Variants in TAMM41 observed in about 807,000 individuals in gnomAD.
The protein encoded by TAMM41 is TAM41 mitochondrial translocator assembly and maintenance homolog.
A neutral mutation model predicts 44.1 loss-of-function variants in TAMM41; 36 were observed. The ratio of observed to expected loss-of-function variants is 0.82; its 90% CI spans 0.63 to 1.08. The LOEUF (loss-of-function observed/expected upper bound fraction) is 1.08, where lower values mean the gene tolerates loss of function less well. Ranked by LOEUF, TAMM41 falls within the 50% of genes least tolerant of loss-of-function variation. The pLI is 0.00. For synonymous variants in TAMM41, 164 were observed against 153.1 expected (o/e 1.07, Z -0.53); for missense variants, 417 against 404.3 (o/e 1.03, Z -0.27).
chr3:11,770,437 T>C, the TAMM41 span, among the ~76,000 whole-genome samples: 1 of 152,222 alleles, frequency 6.6e-6, no homozygotes, highest in Non-Finnish European at 1.5e-5. Flanking sequence ...TTTCGATCAC[T>C]GGCTCTCAAC....
chr3:11,775,722 G>A, the TAMM41 span, among the ~76,000 whole-genome samples: 1 of 152,186 alleles, frequency 6.6e-6, no homozygotes, highest in Non-Finnish European at 1.5e-5. Context: ...TCTGTTGACA[G>A]ATGAACAGAT....
chr3:11,731,242 T>C, the TAMM41 span, among the ~76,000 whole-genome samples: 2 of 152,190 alleles, frequency 1.3e-5, no homozygotes, highest in South Asian at 4.1e-4. Context: ...TTGGGTAAAA[T>C]CAGATCTTGT....
chr3:11,737,602 G>A, the TAMM41 span, among the ~76,000 whole-genome samples: 3 of 152,096 alleles, frequency 2.0e-5, no homozygotes, highest in African/African-American at 7.2e-5. Flanking sequence ...TTACAGGTGT[G>A]AGCCACCATG....
chr3:11,804,862 A>G (rs2124944064), intron 7 of TAMM41, among the ~76,000 whole-genome samples: 1 of 148,326 alleles, frequency 6.7e-6, no homozygotes, highest in African/African-American at 2.6e-5. Flanking sequence ...TGTTTTTATT[A>G]TTATAATTTT....
At chr3:11,759,528 C>T in the TAMM41 span, among the ~76,000 whole-genome samples, 1 of 152,022 alleles carries the variant, frequency 6.6e-6, no homozygotes. Flanking sequence ...AATAAAGACA[C>T]CTGGCTTCCA....
intron 7 of TAMM41, among the ~76,000 whole-genome samples, chr3:11,792,690 A>T (rs2077508105): frequency 1.3e-5 from 2 of 152,234 alleles, no homozygotes; most frequent in Admixed American, 1.3e-4. Flanking sequence ...AACAGGACAC[A>T]AAAAACTGCT....
At chr3:11,810,591 T>C (rs1009312433) in intron 5 of TAMM41, among the ~76,000 whole-genome samples, 4 of 152,182 alleles carry the variant, frequency 2.6e-5, no homozygotes, top group Non-Finnish European at 5.9e-5. Flanking sequence ...CAAGGAAGAA[T>C]CTGTCTTGTA....
At chr3:11,746,301 CA>C in the TAMM41 span, among the ~76,000 whole-genome samples, 5,131 of 115,798 alleles carry the variant, frequency 0.044, 234 homozygotes, top group African/African-American at 0.14. Context: ...GAGACTCTCT[CA>C]AAAAAAAAAA....
the TAMM41 span, among the ~76,000 whole-genome samples, chr3:11,767,656 TGCTC>T: frequency 9.9e-5 from 14 of 141,468 alleles, no homozygotes; most frequent in African/African-American, 2.3e-4. Flanking sequence ...GACAGAGTCT[TGCTC>T]TTTTGCCCAG....
the TAMM41 span, among the ~76,000 whole-genome samples, chr3:11,752,989 G>A: frequency 1.3e-5 from 2 of 151,990 alleles, no homozygotes; most frequent in Non-Finnish European, 2.9e-5. Flanking sequence ...GGGATGTTGA[G>A]AGAGACAACT....
At chr3:11,794,571 G>C (rs767647564) in intron 7 of TAMM41, among the ~76,000 whole-genome samples, 1 of 152,138 alleles carries the variant, frequency 6.6e-6, no homozygotes, top group Non-Finnish European at 1.5e-5. Context: ...CCTAAAGCTA[G>C]TCATTATGAA....
chr3:11,747,973 C>G, the TAMM41 span, among the ~76,000 whole-genome samples: 2 of 150,636 alleles, frequency 1.3e-5, no homozygotes, highest in East Asian at 4.0e-4. Flanking sequence ...CTCCTGGCCT[C>G]AAGAGATCCT....
the TAMM41 span, among the ~76,000 whole-genome samples, chr3:11,731,668 C>T: frequency 2.3e-4 from 35 of 152,218 alleles, no homozygotes; most frequent in Middle Eastern, 3.4e-3. Context: ...GTTTTTATTT[C>T]CAGGGTGGGA....
At chr3:11,732,026 C>T in the TAMM41 span, among the ~76,000 whole-genome samples, 694 of 152,164 alleles carry the variant, frequency 4.6e-3, 3 homozygotes, top group Non-Finnish European at 7.9e-3. Context: ...ATCACCATGC[C>T]GGGCTAATTT....
intron 7 of TAMM41, among the ~76,000 whole-genome samples, chr3:11,798,415 C>A (rs1191295862): frequency 6.6e-6 from 1 of 152,092 alleles, no homozygotes; most frequent in Non-Finnish European, 1.5e-5. Context: ...CCAAATGCTG[C>A]ATATTCTCAC....
At chr3:11,729,524 TC>T in the TAMM41 span, among the ~76,000 whole-genome samples, 2,324 of 128,884 alleles carry the variant, frequency 0.018, 237 homozygotes, top group East Asian at 0.063. Context: ...TTTCTTTCTT[TC>T]TTTTCTTTCT....
the TAMM41 span, among the ~76,000 whole-genome samples, chr3:11,746,440 C>T: frequency 2.0e-5 from 3 of 151,784 alleles, no homozygotes; most frequent in Non-Finnish European, 4.4e-5. Flanking sequence ...CCAATAAGAG[C>T]CAAAAGCTGA....
chr3:11,737,132 A>G, the TAMM41 span, among the ~76,000 whole-genome samples: 38 of 151,836 alleles, frequency 2.5e-4, no homozygotes, highest in East Asian at 7.4e-3. Context: ...CAGCCACCCA[A>G]CACCCAGCCA....
chr3:11,809,923 A>G, intron 5 of TAMM41: 1 of 369,364 alleles, frequency 2.7e-6, no homozygotes, highest in East Asian at 4.5e-5. Context: ...TGAGAAAAGA[A>G]TAGAAGCCAC....
Sources: gnomAD v4.1 joint callset for allele counts (sites outside exome capture counted in the v4.1 genomes callset) on GRCh38, gnomAD v4.1.1 for gene constraint, MANE v1.5 for transcripts, NCBI Gene and HGNC (gene_info 2026-07-23, HGNC 2026-07-21) for gene names.